The following CCDC90B variants were observed in gnomAD, a reference collection of about 807,000 sequenced individuals.
CCDC90B encodes coiled-coil domain-containing protein 90B, mitochondrial.
Under a neutral mutation model 37.0 loss-of-function variants are expected in CCDC90B, and 24 were observed. The observed-to-expected ratio is 0.65, with a 90% CI of 0.47 to 0.91. The LOEUF is 0.91. Among genes scored for constraint, CCDC90B ranks in the 40% least tolerant of loss-of-function variants. The probability of loss-of-function intolerance (pLI) is 0.00; values close to 1 mark genes in which losing one functional copy is unlikely to be tolerated. For synonymous variants in CCDC90B, 113 were observed against 101.1 expected (o/e 1.12, Z -0.71); for missense variants, 319 against 299.0 (o/e 1.07, Z -0.49).
At chr11:83,285,105 G>C in intron 1 of CCDC90B, 1 of 1,210,260 alleles carries the variant, frequency 8.3e-7, no homozygotes, top group Non-Finnish European at 1.1e-6. Flanking sequence ...GAAGTGTTTG[G>C]GTACCGAATG....
chr11:83,266,112 T>C (rs764403255), intron 7 of CCDC90B, 133 bp from the exon 8 acceptor site: 2 of 550,542 alleles, frequency 3.6e-6, no homozygotes, highest in South Asian at 4.7e-5. Context: ...ATTAAAAGCA[T>C]AGTGGTGTAA....
At chr11:83,266,636 C>T (rs1035887560) in intron 7 of CCDC90B, among the ~76,000 whole-genome samples, 3 of 152,228 alleles carry the variant, frequency 2.0e-5, no homozygotes, top group Non-Finnish European at 4.4e-5. Context: ...CACAGCACAA[C>T]AATGCCTACT....
intron 8 of CCDC90B, among the ~76,000 whole-genome samples, chr11:83,265,060 T>C (rs1864170007): frequency 6.6e-6 from 1 of 152,038 alleles, no homozygotes; most frequent in Non-Finnish European, 1.5e-5. Context: ...TATACATATG[T>C]AACTAACCTG....
At chr11:83,266,541 C>T (rs1047855859) in intron 7 of CCDC90B, among the ~76,000 whole-genome samples, 6 of 152,242 alleles carry the variant, frequency 3.9e-5, no homozygotes, top group Non-Finnish European at 7.3e-5. Flanking sequence ...AGGCAGCAGA[C>T]TGGCTGGGGA....
intron 7 of CCDC90B, chr11:83,267,462 G>A (rs1481001629): frequency 1.3e-5 from 2 of 152,186 alleles, no homozygotes; most frequent in Non-Finnish European, 2.9e-5. Context: ...AGAACTTCGT[G>A]ATGCATGCCC....
rs763848743 is a variant in CCDC90B, at chr11:83,265,921, G to A, written c.653C>T (p.Ala218Val). 12 of 1,612,564 alleles carry A rather than the reference G, an allele frequency of 7.4e-6. No homozygotes were observed. Among genetic ancestry groups the A allele is most frequent in the Non-Finnish European group, 9.3e-6 (11 of 1,179,278 alleles). The change falls in exon 8 of 9, where the codon GCT (alanine) becomes GTT (valine). Residue 218 changes from alanine (A) to valine (V), a missense_variant. Physicochemically the swap from Ala to Val is moderately conservative, Grantham distance 64. Coordinates refer to ENST00000529689, the MANE Select transcript of CCDC90B (RefSeq NM_021825.5). ...ETSNKIDAEI[A>V]SLKTLMESNK... Reference sequence around the variant, plus strand: ...AGATTCCATCAGTGTTTTTAAGGAAGCAATTTCAGCGTCAATTTTATTACT... The same window carrying A: ...AGATTCCATCAGTGTTTTTAAGGAAACAATTTCAGCGTCAATTTTATTACT...
Position 83,272,833 on chromosome 11 carries a change from C to T in CCDC90B, c.594+814G>A, listed in dbSNP as rs147112499. 1.2e-4 allele frequency among the ~76,000 whole-genome samples: 19 copies of T among 152,254 alleles called. No homozygotes were observed. In the East Asian group the frequency reaches 3.1e-3, roughly 25 times the overall value. Reference sequence around the variant, plus strand: ...AAAAGGACAAGGCTGAGTCAGAAAGCTGGGTTTTACTCAAGCCACAGAGAT... The same window carrying T: ...AAAAGGACAAGGCTGAGTCAGAAAGTTGGGTTTTACTCAAGCCACAGAGAT... On this transcript the variant is annotated intron_variant, in intron 7 of 8. Coordinates refer to ENST00000529689, the MANE Select transcript of CCDC90B (RefSeq NM_021825.5).
rs1863911986 is a variant in CCDC90B at position 83,261,220 on chromosome 11, C to T, written c.*691G>A. On this transcript the variant is annotated 3_prime_UTR_variant, in exon 9 of 9. Transcript: ENST00000529689. ...TAGCTGGAATTACAGGCATGTGCCA[C>T]CATGCCTGGCTAATTTTTGTATTTT... The T allele has an allele frequency of 6.6e-6, 1 of 152,202 alleles. No individual in the cohort carries two copies. Among genetic ancestry groups the T allele is most frequent in the Non-Finnish European group, 1.5e-5 (1 of 68,088 alleles). The allele number at this position is 152,202 out of a possible 1,614,324, so 9.4% of individuals were successfully genotyped here. A position where few individuals can be genotyped will look rare whatever the true frequency, so the allele number is the denominator to read the frequency against.
At position 83,259,309 on chromosome 11, in the gene CCDC90B, A is replaced by C. The variant is rs1419581191; in HGVS notation, c.*2602T>G. 1 of 152,194 alleles carries C rather than the reference A, an allele frequency of 6.6e-6. No homozygotes were observed. Among genetic ancestry groups the C allele is most frequent in the Non-Finnish European group, 1.5e-5 (1 of 68,036 alleles). The allele number at this position is 152,194 out of a possible 1,614,324, so 9.4% of individuals were successfully genotyped here. A position where few individuals can be genotyped will look rare whatever the true frequency, so the allele number is the denominator to read the frequency against. On this transcript the variant is annotated 3_prime_UTR_variant, in exon 9 of 9. Coordinates refer to ENST00000529689, the MANE Select transcript of CCDC90B (RefSeq NM_021825.5). ...CATATATTTCCATCACTGAAACAAA[A>C]ATTTACCTGAACCCCAGAACCACCA...
chr11:83,277,656 T>G (rs994225733), intron 3 of CCDC90B, among the ~76,000 whole-genome samples: 8 of 139,722 alleles, frequency 5.7e-5, no homozygotes, highest in Non-Finnish European at 1.1e-4. Context: ...CTAATTTTTG[T>G]TTTTTTTTTT....
At chr11:83,276,201 T>C (rs2135643405) in intron 3 of CCDC90B, among the ~76,000 whole-genome samples, 1 of 152,338 alleles carries the variant, frequency 6.6e-6, no homozygotes, top group East Asian at 1.9e-4. Context: ...ATGTGGCCTC[T>C]AGGGGCTGGC....
At chr11:83,272,511 A>G (rs1449871980) in intron 7 of CCDC90B, among the ~76,000 whole-genome samples, 2 of 152,166 alleles carry the variant, frequency 1.3e-5, no homozygotes, top group Non-Finnish European at 2.9e-5. Flanking sequence ...AAAAATAACC[A>G]GGTGTATAAT....
Position 83,273,818 on chromosome 11 carries a change from A to C in CCDC90B, c.515T>G (p.Leu172Ter). The C allele has an allele frequency of 6.2e-7, 1 of 1,610,254 alleles. No individual in the cohort carries two copies. Among genetic ancestry groups the C allele is most frequent in the Non-Finnish European group, 8.5e-7 (1 of 1,177,882 alleles). ...CATATCTGTTACTCTGCTCCTTTCTAAGTTGATATCCAGTTTATTATCTGC... is the reference window on the plus strand; with the variant it reads ...CATATCTGTTACTCTGCTCCTTTCTCAGTTGATATCCAGTTTATTATCTGC... ...IRADNKLDINLERSRVTDMFT... is the reference protein window; with the variant it reads ...IRADNKLDIN The change falls in exon 6 of 9, where the codon TTA becomes TGA. Residue 172 changes from leucine (L) to a stop codon, truncating the protein, a stop_gained. Transcript: ENST00000529689. LOFTEE classifies it high-confidence loss of function.
intron 7 of CCDC90B, among the ~76,000 whole-genome samples, chr11:83,272,783 G>A (rs1864760341): frequency 6.6e-6 from 1 of 152,156 alleles, no homozygotes; most frequent in African/African-American, 2.4e-5. Flanking sequence ...GTTAGAATGT[G>A]GACAAATGGC....
intron 1 of CCDC90B, among the ~76,000 whole-genome samples, chr11:83,283,682 C>T (rs1456697727): frequency 1.3e-5 from 2 of 152,176 alleles, no homozygotes; most frequent in African/African-American, 4.8e-5. Context: ...TCTTTACAGG[C>T]CGGGTGCAGT....
Position 83,273,942 on chromosome 11 carries a change from T to A in CCDC90B, c.468+9A>T, listed in dbSNP as rs543562. 0.26 allele frequency: 415,686 copies of A among 1,588,238 alleles called. 55,800 individuals are homozygous for A. Among genetic ancestry groups the A allele is most frequent in the Middle Eastern group, 0.37 (2,166 of 5,920 alleles). ...CTGAAATTAACAGCTAGAAAAAAAA[T>A]TCACTTACCATTAGTTGTTGCTTAA... On this transcript the variant is annotated intron_variant, in intron 5 of 8. Coordinates refer to ENST00000529689, the MANE Select transcript of CCDC90B (RefSeq NM_021825.5).
At position 83,261,256 on chromosome 11, in the gene CCDC90B, G is replaced by A. The variant is rs527576; in HGVS notation, c.*655C>T. The A allele has an allele frequency of 0.26, 39,901 of 151,812 alleles. 5,417 individuals are homozygous for A. Among genetic ancestry groups the A allele is most frequent in the Middle Eastern group, 0.41 (120 of 294 alleles). The allele number at this position is 151,812 out of a possible 1,614,324, so 9.4% of individuals were successfully genotyped here. On this transcript the variant is annotated 3_prime_UTR_variant, in exon 9 of 9. Coordinates refer to ENST00000529689, the MANE Select transcript of CCDC90B (RefSeq NM_021825.5). ...TAATTTTTGTATTTTTAGCAGAGAC[G>A]GGGTTTCACCATGTTGGCCAGGCTG...
Position 83,273,670 on chromosome 11 carries a change from T to C in CCDC90B, c.571A>G (p.Thr191Ala), listed in dbSNP as rs190805303. 104 of 1,603,430 alleles carry C rather than the reference T, an allele frequency of 6.5e-5. No homozygotes were observed. The highest frequency in any genetic ancestry group is 8.8e-5 in the Non-Finnish European group (103 of 1,176,428). ...FTDQEKQLME[T>A]TTEFTKKDTQ... ...ACCTTTTTTGTAAATTCTGTAGTTG[T>C]TTCCATAAGTTGCTTTTCTTGATCT... is the stretch of plus-strand genomic sequence containing the variant. Residue 191 changes from threonine to alanine, a missense_variant, in exon 7 of 9, where the codon ACA (threonine) becomes GCA (alanine). Coordinates refer to ENST00000529689, the MANE Select transcript of CCDC90B (RefSeq NM_021825.5).
chr11:83,284,399 T>G (rs1865562804), intron 1 of CCDC90B, among the ~76,000 whole-genome samples: 1 of 152,256 alleles, frequency 6.6e-6, no homozygotes, highest in Non-Finnish European at 1.5e-5. Context: ...ACTGCTAATT[T>G]TACAGCTGAA....
Sources: allele counts gnomAD v4.1 joint callset (sites outside exome capture counted in the v4.1 genomes callset), GRCh38; gene constraint gnomAD v4.1.1; transcripts MANE v1.5; gene names NCBI Gene and HGNC (gene_info 2026-07-23, HGNC 2026-07-21).